The following ADK variants were observed in gnomAD, a reference collection of about 807,000 sequenced individuals.
ADK encodes adenosine kinase.
Under a neutral mutation model 44.7 loss-of-function variants are expected in ADK, and 24 were observed. The observed-to-expected ratio is 0.54, with a 90% confidence interval of 0.39 to 0.76. ADK has a LOEUF of 0.76. Ranked by LOEUF, ADK falls within the 30% of genes least tolerant of loss-of-function variation. The probability of loss-of-function intolerance (pLI) is 0.00; values close to 1 mark genes in which losing one functional copy is unlikely to be tolerated. For missense variants in ADK, 321 were observed against 425.1 expected, an observed-to-expected ratio of 0.76 and a Z score of 2.15; for synonymous variants, 128 against 142.6, an observed-to-expected ratio of 0.90 and a Z score of 0.73.
chr10:74,548,576 A>T (rs756511243), intron 7 of ADK, among the ~76,000 whole-genome samples: 35 of 151,874 alleles, frequency 2.3e-4, no homozygotes, highest in Non-Finnish European at 1.3e-4. Flanking sequence ...TTATCTGGCA[A>T]CCCTACCAGT....
At chr10:74,463,827 C>G (rs1846257878) in intron 6 of ADK, among the ~76,000 whole-genome samples, 1 of 152,048 alleles carries the variant, frequency 6.6e-6, no homozygotes, top group Non-Finnish European at 1.5e-5. Flanking sequence ...TCTAAACTGC[C>G]TTAATCCTTG....
intron 10 of ADK, among the ~76,000 whole-genome samples, chr10:74,682,170 G>C (rs1855629618): frequency 6.6e-6 from 1 of 152,290 alleles, no homozygotes; most frequent in East Asian, 1.9e-4. Flanking sequence ...TTATCTATAT[G>C]AGTGCAAAAT....
chr10:74,259,634 T>C (rs1229705054), intron 3 of ADK, among the ~76,000 whole-genome samples: 3 of 151,856 alleles, frequency 2.0e-5, no homozygotes, highest in African/African-American at 7.3e-5. Flanking sequence ...TTTTTTTGTA[T>C]TTTTAGTAGA....
intron 6 of ADK, among the ~76,000 whole-genome samples, chr10:74,454,803 G>T (rs1845886278): frequency 1.3e-5 from 2 of 152,166 alleles, no homozygotes; most frequent in Non-Finnish European, 2.9e-5. Context: ...AGTAAATGTA[G>T]TAAACTGGGT....
intron 1 of ADK, among the ~76,000 whole-genome samples, chr10:74,188,640 C>G (rs529923343): frequency 2.4e-4 from 37 of 152,208 alleles, no homozygotes; most frequent in African/African-American, 8.9e-4. Context: ...GCATGAGCCA[C>G]TGCGCCCGGC....
intron 2 of ADK, among the ~76,000 whole-genome samples, chr10:74,220,524 G>A (rs1037371601): frequency 6.6e-6 from 1 of 152,088 alleles, no homozygotes; most frequent in African/African-American, 2.4e-5. Flanking sequence ...ATTTTATGAG[G>A]CCAGCATCAT....
chr10:74,647,853 G>T (rs1412507880), intron 9 of ADK, among the ~76,000 whole-genome samples: 1 of 152,132 alleles, frequency 6.6e-6, no homozygotes, highest in Non-Finnish European at 1.5e-5. Context: ...CTATAATTAA[G>T]TAAGCTCATT....
At position 74,302,109 on chromosome 10, in the gene ADK, GTTTTTTTTTTTTTT is replaced by G. The variant is rs1172807289; in HGVS notation, c.195-12534_195-12521del. 1.8e-3 allele frequency among the ~76,000 whole-genome samples: 24 copies of G among 13,022 alleles called. No individual in the cohort carries two copies. The South Asian group carries it at 0.027, about 14-fold the overall frequency. 8.5% of individuals were successfully genotyped at this position (13,022 alleles called of 152,430 possible). A position where few individuals can be genotyped will look rare whatever the true frequency, so the allele number is the denominator to read the frequency against. ...TTTTCTGTTTTTTTTTTGTTTGTTT[GTTTTTTTTTTTTTT>G]TTTTTTTTTTTTTTTTTTTTTTTGA... is the stretch of plus-strand genomic sequence containing the variant. On this transcript the variant is annotated intron_variant, in intron 3 of 10. Transcript: ENST00000539909.
At chr10:74,455,965 C>T (rs186670987) in intron 6 of ADK, among the ~76,000 whole-genome samples, 6 of 152,180 alleles carry the variant, frequency 3.9e-5, no homozygotes, top group Admixed American at 3.3e-4. Flanking sequence ...GTGAATCTGA[C>T]GATTACATTG....
At chr10:74,317,104 T>A (rs1470395440) in intron 4 of ADK, among the ~76,000 whole-genome samples, 1 of 152,212 alleles carries the variant, frequency 6.6e-6, no homozygotes, top group Non-Finnish European at 1.5e-5. Flanking sequence ...TATTTTGATA[T>A]GTCAAATCAT....
chr10:74,636,860 A>C (rs1257590490), intron 9 of ADK, among the ~76,000 whole-genome samples: 1 of 152,230 alleles, frequency 6.6e-6, no homozygotes, highest in Non-Finnish European at 1.5e-5. Flanking sequence ...GAAACAGCAC[A>C]TAAAAAGTCA....
At chr10:74,444,904 C>T (rs1014059252) in intron 6 of ADK, among the ~76,000 whole-genome samples, 1 of 151,886 alleles carries the variant, frequency 6.6e-6, no homozygotes, top group Non-Finnish European at 1.5e-5. Flanking sequence ...ATAATTTTCA[C>T]AACATCTGAT....
intron 7 of ADK, among the ~76,000 whole-genome samples, chr10:74,551,119 A>C (rs1426553389): frequency 6.6e-6 from 1 of 152,216 alleles, no homozygotes; most frequent in Non-Finnish European, 1.5e-5. Context: ...AAAGGATAGA[A>C]AACAGACCCA....
intron 9 of ADK, among the ~76,000 whole-genome samples, chr10:74,617,379 T>C (rs942907310): frequency 6.6e-6 from 1 of 152,220 alleles, no homozygotes; most frequent in African/African-American, 2.4e-5. Flanking sequence ...TTTTGTTTTG[T>C]TCTTAAGAGA....
At chr10:74,256,455 C>A (rs1845828971) in intron 3 of ADK, among the ~76,000 whole-genome samples, 1 of 152,082 alleles carries the variant, frequency 6.6e-6, no homozygotes, top group African/African-American at 2.4e-5. Flanking sequence ...TCTTCATGGC[C>A]TTCTTAGTGA....
intron 10 of ADK, among the ~76,000 whole-genome samples, chr10:74,691,711 C>T (rs200953672): frequency 6.6e-6 from 1 of 152,008 alleles, no homozygotes; most frequent in South Asian, 2.1e-4. Flanking sequence ...TGACAAAGCA[C>T]GCAACAGATC....
At chr10:74,410,258 G>A (rs901410634) in intron 6 of ADK, among the ~76,000 whole-genome samples, 3 of 151,970 alleles carry the variant, frequency 2.0e-5, no homozygotes, top group Non-Finnish European at 4.4e-5. Flanking sequence ...AATTTAGAAC[G>A]TGCCATCTAG....
chr10:74,392,459 T>G (rs2132039181), intron 4 of ADK, among the ~76,000 whole-genome samples: 1 of 152,316 alleles, frequency 6.6e-6, no homozygotes, highest in Admixed American at 6.5e-5. Flanking sequence ...ATATCATTTT[T>G]GGAGAAATGT....
chr10:74,274,381 G>A (rs1308631713), intron 3 of ADK, among the ~76,000 whole-genome samples: 1 of 152,002 alleles, frequency 6.6e-6, no homozygotes, highest in Non-Finnish European at 1.5e-5. Context: ...GGCCAACATG[G>A]TAAAACCCTG....
Sources: allele counts gnomAD v4.1 joint callset (sites outside exome capture counted in the v4.1 genomes callset), GRCh38; gene constraint gnomAD v4.1.1; transcripts MANE v1.5; gene names NCBI Gene and HGNC (gene_info 2026-07-23, HGNC 2026-07-21).